The following FAN1 variants were observed in gnomAD, a reference collection of about 807,000 sequenced individuals.
The protein encoded by FAN1 is FANCD2 and FANCI associated nuclease 1.
Under a neutral mutation model 104.9 loss-of-function variants are expected in FAN1, and 91 were observed. The observed-to-expected ratio is 0.87, with a 90% CI of 0.73 to 1.03. The LOEUF (loss-of-function observed/expected upper bound fraction) is 1.03. FAN1 is among the 50% of genes least tolerant of loss of function. The pLI, the probability that FAN1 is intolerant of heterozygous loss-of-function variation, is 0.00. For synonymous variants in FAN1, 478 were observed against 457.6 expected (o/e 1.04, Z -0.57); for missense variants, 1,263 against 1,239.9 (o/e 1.02, Z -0.28).
intron 2 of FAN1, among the ~76,000 whole-genome samples, chr15:30,907,495 G>A (rs150534354): frequency 0.012 from 1,815 of 151,888 alleles, 9 homozygotes; most frequent in Middle Eastern, 0.017. Context: ...TCCAGCCTGG[G>A]CAACAAGAGC....
rs777757109 is a variant in FAN1 at position 30,929,288 on chromosome 15, C to T, written c.2678C>T (p.Ala893Val). ...LEARLQLIHD[A>V]PEESLRAWVA... ...GCCAGGCTGCAGCTGATTCATGATG[C>T]CCCCGAGGAGAGCCTGCGGGCCTGG... is the stretch of plus-strand genomic sequence containing the variant. Residue 893 changes from alanine (A) to valine (V), a missense_variant, in exon 12 of 15, where the codon GCC (alanine) becomes GTC (valine). Around this residue, in one of 2 missense-constraint regions of FAN1, gnomAD observed 581 missense variants for 668.8 expected, o/e 0.87. Coordinates refer to ENST00000362065, the MANE Select transcript of FAN1 (RefSeq NM_014967.5). 3 of 1,613,158 alleles carry T rather than the reference C, an allele frequency of 1.9e-6. No individual in the cohort carries two copies. Among genetic ancestry groups the T allele is most frequent in the East Asian group, 2.2e-5 (1 of 44,778 alleles).
chr15:30,928,338 A>T, intron 10 of FAN1: 1 of 1,300,176 alleles, frequency 7.7e-7, no homozygotes, highest in Non-Finnish European at 9.7e-7. Flanking sequence ...GATTACTAAG[A>T]TTTTTGCCCT....
Position 30,908,206 on chromosome 15 carries a change from A to G in FAN1, c.1323A>G (p.Leu441=). 1 of 1,611,284 alleles carries G rather than the reference A, an allele frequency of 6.2e-7. No homozygotes were observed. Among genetic ancestry groups the G allele is most frequent in the Non-Finnish European group, 8.5e-7 (1 of 1,178,828 alleles). ...AATTAGAGTATGAAGAGATTGCCTT[A>G]GACTTAACACCTGTGATTGAAGAAT... is the stretch of plus-strand genomic sequence containing the variant. ...MTKLEYEEIA[L]DLTPVIEELT... is the part of the protein sequence containing the mutation. The change falls in exon 3 of 15, where the codon TTA becomes TTG. Residue 441 remains leucine, a synonymous_variant. Transcript: ENST00000362065.
rs916809673 is a variant in FAN1 at position 30,913,486 on chromosome 15, A to G, written c.1578-372A>G. On this transcript the variant is annotated intron_variant, in intron 4 of 14. Transcript: ENST00000362065. ...TTTGATAATGACATTTTAAAGAAAT[A>G]CCATTATTTAATCTAAATCATCACT... is the stretch of plus-strand genomic sequence containing the variant. 3.9e-5 allele frequency among the ~76,000 whole-genome samples: 6 copies of G among 152,352 alleles called. No homozygotes were observed. The East Asian group carries it at 1.2e-3, about 29-fold the overall frequency.
At chr15:30,937,482 C>A (rs563739369) in intron 14 of FAN1, among the ~76,000 whole-genome samples, 2 of 137,374 alleles carry the variant, frequency 1.5e-5, no homozygotes, top group African/African-American at 5.5e-5. Flanking sequence ...GACAGAGTCT[C>A]GCTCTGTCAC....
At position 30,929,678 on chromosome 15, in the gene FAN1, C is replaced by CAT. The variant is rs1555403002; in HGVS notation, c.2787+285_2787+286dup. ...ATAATATATGAAATATATAATATAT[C>CAT]ATATAATATATATAAAATATATATT... is the stretch of plus-strand genomic sequence containing the variant. On this transcript the variant is annotated intron_variant, in intron 12 of 14. Coordinates refer to ENST00000362065, the MANE Select transcript of FAN1 (RefSeq NM_014967.5). Among the ~76,000 whole-genome samples the CAT allele has an allele frequency of 4.5e-3, 212 of 46,778 alleles. 4 individuals carry two copies. The highest frequency in any genetic ancestry group is 0.015 in the African/African-American group (195 of 13,280). 30.7% of individuals were successfully genotyped at this position (46,778 alleles called of 152,430 possible). A position where few individuals can be genotyped will look rare whatever the true frequency, so the allele number is the denominator to read the frequency against.
intron 8 of FAN1, among the ~76,000 whole-genome samples, chr15:30,924,557 GTGTT>G (rs557090045): frequency 2.9e-4 from 44 of 152,276 alleles, no homozygotes; most frequent in East Asian, 2.7e-3. Context: ...GTGGCTTTCT[GTGTT>G]TGTTTATTTG....
rs1016486118 is a variant in FAN1 at position 30,928,727 on chromosome 15, C to T, written c.2592+71C>T. 55 of 1,604,164 alleles carry T rather than the reference C, an allele frequency of 3.4e-5. No homozygotes were observed. In the African/African-American group the frequency reaches 5.0e-4, roughly 14 times the overall value. On this transcript the variant is annotated intron_variant, in intron 11 of 14. Transcript: ENST00000362065. Reference sequence around the variant, plus strand: ...CCGTGGCTCACGCCCACCTGGGCACCGTGTGTCCACAGCCAGCAGAAACCA... The same window carrying T: ...CCGTGGCTCACGCCCACCTGGGCACTGTGTGTCCACAGCCAGCAGAAACCA...
At position 30,941,993 on chromosome 15, in the gene FAN1, C is replaced by T. The variant is rs1173990308; in HGVS notation, c.*431C>T. The T allele has an allele frequency of 1.9e-6, 3 of 1,614,002 alleles. No homozygotes were observed. Among genetic ancestry groups the T allele is most frequent in the South Asian group, 2.2e-5 (2 of 91,086 alleles). On this transcript the variant is annotated 3_prime_UTR_variant, in exon 15 of 15. Transcript: ENST00000362065. ...TGGTTTTAATATCAATGAATTTCTCCTTGGAAGTAATTCTTGGTCACTGAT... is the reference window on the plus strand; with the variant it reads ...TGGTTTTAATATCAATGAATTTCTCTTTGGAAGTAATTCTTGGTCACTGAT...
At chr15:30,929,156 G>A (rs1248624371) in intron 11 of FAN1, 47 bp from the exon 12 acceptor site, 2 of 1,562,162 alleles carry the variant, frequency 1.3e-6, no homozygotes, top group Non-Finnish European at 1.7e-6. Context: ...TGGTGAACAC[G>A]GCTCTCTGCA....
intron 12 of FAN1, among the ~76,000 whole-genome samples, chr15:30,930,235 A>ATCAT (rs2062671637): frequency 6.6e-6 from 1 of 151,540 alleles, no homozygotes; most frequent in Non-Finnish European, 1.5e-5. Context: ...GCCCTCTATG[A>ATCAT]GGCCATGCTG....
chr15:30,929,093 A>G (rs2062545881), intron 11 of FAN1, 110 bp from the exon 12 acceptor site: 20 of 897,324 alleles, frequency 2.2e-5, no homozygotes, highest in Non-Finnish European at 3.1e-5. Context: ...TTTTGAGAGA[A>G]AGAATGTATC....
intron 14 of FAN1, chr15:30,939,118 A>G (rs774278582): frequency 2.4e-5 from 24 of 985,360 alleles, no homozygotes; most frequent in Non-Finnish European, 2.5e-5. Flanking sequence ...TTACTACTGC[A>G]GCAAGCAGAT....
rs750964565 is a variant in FAN1 at position 30,905,500 on chromosome 15, A to C, written c.837A>C (p.Ser279=). ...TTAGGAATACATTAAAGTCTACTTC[A>C]GAAGACAGTCTTGTAAAGCAAGAGT... ...FTLRNTLKST[S]EDSLVKQECI... Residue 279 remains serine (S), a synonymous_variant, in exon 2 of 15, where the codon TCA becomes TCC. Transcript: ENST00000362065. The C allele has an allele frequency of 6.2e-7, 1 of 1,614,128 alleles. No individual in the cohort carries two copies. The highest frequency in any genetic ancestry group is 8.5e-7 in the Non-Finnish European group (1 of 1,179,974).
At chr15:30,938,983 C>CA (rs2140977094) in intron 14 of FAN1, 1 of 985,326 alleles carries the variant, frequency 1.0e-6, no homozygotes. Flanking sequence ...AAATTTCCTT[C>CA]ACATTCAATA....
chr15:30,940,056 A>C, intron 14 of FAN1: 1 of 980,766 alleles, frequency 1.0e-6, no homozygotes, highest in Non-Finnish European at 1.2e-6. Flanking sequence ...TCTTGAAAAC[A>C]CTTGTTTTAG....
chr15:30,908,776 G>A (rs1566911125), intron 3 of FAN1, among the ~76,000 whole-genome samples: 3 of 152,212 alleles, frequency 2.0e-5, no homozygotes, highest in African/African-American at 2.4e-5. Flanking sequence ...GGGAGGCTGA[G>A]GTTGCGGTGA....
Position 30,937,164 on chromosome 15 carries a change from A to G in FAN1, c.2962A>G (p.Met988Val). ...GPNDRLSHKQ[M>V]IWLAELQKLG... ...CAATGATCGTCTTTCACATAAGCAG[A>G]TGATCTGGCTGGCTGAACTGCAGAA... The change falls in exon 14 of 15, where the codon ATG (methionine) becomes GTG (valine). Residue 988 changes from methionine (M) to valine (V), a missense_variant. Around this residue, in one of 2 missense-constraint regions of FAN1, gnomAD observed 581 missense variants for 668.8 expected, o/e 0.87. Coordinates refer to ENST00000362065, the MANE Select transcript of FAN1 (RefSeq NM_014967.5). 6.2e-7 allele frequency: 1 copy of G among 1,614,092 alleles called. No individual in the cohort carries two copies. The highest frequency in any genetic ancestry group is 8.5e-7 in the Non-Finnish European group (1 of 1,179,990).
intron 6 of FAN1, 76 bp from the exon 7 acceptor site, chr15:30,920,469 G>A (rs2062300759): frequency 1.1e-6 from 1 of 941,268 alleles, no homozygotes; most frequent in Non-Finnish European, 1.7e-6. Context: ...AATTCAGTCT[G>A]CTTTGTCACT....
Sources: allele counts gnomAD v4.1 joint callset (sites outside exome capture counted in the v4.1 genomes callset), GRCh38; gene constraint gnomAD v4.1.1; regional missense constraint gnomAD v4.1.1; transcripts MANE v1.5; gene names NCBI Gene and HGNC (gene_info 2026-07-23, HGNC 2026-07-21).